TFEC: variants seen among roughly 807,000 people sequenced by gnomAD.
The protein encoded by TFEC is transcription factor EC.
In TFEC, 31 loss-of-function variants were observed where a neutral mutation model predicts 41.6. The ratio of observed to expected loss-of-function variants is 0.74; its 90% CI spans 0.56 to 1.01. The LOEUF is 1.01. Ranked by LOEUF, TFEC falls within the 50% of genes least tolerant of loss-of-function variation. The pLI, the probability that TFEC is intolerant of heterozygous loss-of-function variation, is 0.00. For synonymous variants in TFEC, 143 were observed against 140.6 expected, an observed-to-expected ratio of 1.02 and a Z score of -0.12; for missense variants, 402 against 404.1, an observed-to-expected ratio of 0.99 and a Z score of 0.04.
intron 3 of TFEC, among the ~76,000 whole-genome samples, chr7:116,066,873 G>A (rs1796706286): frequency 6.6e-6 from 1 of 151,932 alleles, no homozygotes; most frequent in Non-Finnish European, 1.5e-5. Flanking sequence ...GTGCAAGTAT[G>A]TATCCTATTA....
At chr7:116,123,754 T>A (rs1288484499) in intron 1 of TFEC, among the ~76,000 whole-genome samples, 1 of 152,106 alleles carries the variant, frequency 6.6e-6, no homozygotes, top group Non-Finnish European at 1.5e-5. Flanking sequence ...CCCCTACTAC[T>A]CCTATCATGT....
At chr7:115,968,425 GGTT>G in intron 3 of TFEC, 2 of 787,440 alleles carry the variant, frequency 2.5e-6, no homozygotes, top group Non-Finnish European at 3.6e-6. Flanking sequence ...AAGCACAGGG[GGTT>G]GTTAATATTT....
intron 3 of TFEC, among the ~76,000 whole-genome samples, chr7:116,070,090 T>C (rs1037741550): frequency 6.6e-6 from 1 of 151,444 alleles, no homozygotes. Flanking sequence ...TACATAAATA[T>C]ATGCATATAC....
At chr7:116,106,264 C>A (rs1389580548) in intron 3 of TFEC, among the ~76,000 whole-genome samples, 1 of 152,158 alleles carries the variant, frequency 6.6e-6, no homozygotes, top group Non-Finnish European at 1.5e-5. Context: ...AGTTTCACAG[C>A]ATTTAAAAGA....
At chr7:115,971,963 A>G (rs1793152691) in intron 3 of TFEC, among the ~76,000 whole-genome samples, 2 of 152,090 alleles carry the variant, frequency 1.3e-5, no homozygotes, top group African/African-American at 2.4e-5. Flanking sequence ...ACCTGCAACC[A>G]AAAGTTCACT....
intron 5 of TFEC, 40 bp from the exon 6 acceptor site, chr7:115,950,989 CA>C (rs1791908842): frequency 1.5e-6 from 2 of 1,303,518 alleles, no homozygotes; most frequent in African/African-American, 3.0e-5. Flanking sequence ...CTCATTAATG[CA>C]CAGTTCACTT....
rs966145522 is a variant in TFEC, at chr7:115,937,730, G to T, written c.*2821C>A. On this transcript the variant is annotated 3_prime_UTR_variant, in exon 8 of 8. Transcript: ENST00000265440. ...GGATAATTATATTTAGATAAGTAAG[G>T]GTCCCCCCATTGTTATACATGACAT... The T allele has an allele frequency of 2.0e-5, 3 of 151,516 alleles. No homozygotes were observed. Among genetic ancestry groups the T allele is most frequent in the Non-Finnish European group, 4.4e-5 (3 of 67,698 alleles). The allele number at this position is 151,516 out of a possible 1,614,324, so 9.4% of individuals were successfully genotyped here. A position where few individuals can be genotyped will look rare whatever the true frequency, so the allele number is the denominator to read the frequency against.
At chr7:115,948,300 A>T (rs1791720607) in intron 6 of TFEC, among the ~76,000 whole-genome samples, 1 of 151,416 alleles carries the variant, frequency 6.6e-6, no homozygotes, top group South Asian at 2.1e-4. Context: ...TCCTTCTGAA[A>T]CTATTCCAAT....
intron 1 of TFEC, among the ~76,000 whole-genome samples, chr7:116,025,861 CTCT>C (rs747710064): frequency 1.3e-5 from 2 of 152,294 alleles, no homozygotes; most frequent in South Asian, 4.1e-4. Flanking sequence ...TTCAGCCTCT[CTCT>C]TCTTGCCAAA....
rs180708745 is a variant in TFEC, at chr7:116,040,988, G to A, written c.199-56475C>T. ...TTGTAGTCAGGTGGAAGTTTCTGCC[G>A]GGGAAATATTAACACCTAATTTCCC... On this transcript the variant is annotated intron_variant, in intron 3 of 8. Coordinates refer to the TFEC transcript ENST00000484212. Among the ~76,000 whole-genome samples, 122 of 152,180 alleles carry A rather than the reference G, an allele frequency of 8.0e-4. 2 individuals carry two copies. The South Asian group carries it at 0.021, about 27-fold the overall frequency.
chr7:115,964,568 AAAAG>A (rs1232068090), intron 3 of TFEC, among the ~76,000 whole-genome samples: 4 of 151,626 alleles, frequency 2.6e-5, no homozygotes, highest in African/African-American at 9.7e-5. Context: ...TTAAAAGAGA[AAAAG>A]AATCTATGAT....
At chr7:116,062,225 C>CTTTTTTTTTTTTTTTTTTTTT (rs569480964) in intron 3 of TFEC, among the ~76,000 whole-genome samples, 4 of 51,912 alleles carry the variant, frequency 7.7e-5, no homozygotes, top group East Asian at 8.6e-4. Context: ...CATGCCTGGC[C>CTTTTTTTTTTTTTTTTTTTTT]TTTTTTTTTT....
chr7:115,940,797 A>G lies in TFEC; in HGVS notation c.798T>C (p.Thr266=). Reference sequence around the variant, plus strand: ...GCTCAGGGCTTGGCCCCTGAGACACAGTCAGTTGTTGGCAATAGTCTACTG... The same window carrying G: ...GCTCAGGGCTTGGCCCCTGAGACACGGTCAGTTGTTGGCAATAGTCTACTG... ...QNSVDYCQQL[T]VSQGPSPELC... The change falls in exon 8 of 8, where the codon ACT becomes ACC. Residue 266 remains threonine (T), a synonymous_variant. Transcript: ENST00000265440. The G allele has an allele frequency of 6.2e-7, 1 of 1,613,538 alleles. No homozygotes were observed. Among genetic ancestry groups the G allele is most frequent in the Non-Finnish European group, 8.5e-7 (1 of 1,179,636 alleles).
chr7:116,003,399 T>C (rs778528707), intron 1 of TFEC, among the ~76,000 whole-genome samples: 3 of 152,086 alleles, frequency 2.0e-5, no homozygotes, highest in Non-Finnish European at 2.9e-5. Context: ...AAGAGGGCCA[T>C]TAGATGATTT....
At chr7:116,007,143 T>C (rs989832813) in intron 1 of TFEC, among the ~76,000 whole-genome samples, 1 of 152,168 alleles carries the variant, frequency 6.6e-6, no homozygotes, top group Admixed American at 6.5e-5. Flanking sequence ...TGTTTTTCTA[T>C]CTTTTTTTTA....
intron 1 of TFEC, among the ~76,000 whole-genome samples, chr7:116,023,977 T>C (rs1235202408): frequency 6.6e-6 from 1 of 152,146 alleles, no homozygotes; most frequent in Non-Finnish European, 1.5e-5. Context: ...AGACCTGGCC[T>C]CTGTGAACCA....
chr7:116,009,881 A>T (rs946863508), intron 1 of TFEC, among the ~76,000 whole-genome samples: 3 of 152,182 alleles, frequency 2.0e-5, no homozygotes, highest in African/African-American at 7.2e-5. Flanking sequence ...TAAATGGTTA[A>T]GTGCTATAAA....
chr7:116,029,864 G>A (rs1795728188), intron 1 of TFEC, among the ~76,000 whole-genome samples: 1 of 151,578 alleles, frequency 6.6e-6, no homozygotes, highest in African/African-American at 2.4e-5. Flanking sequence ...TTCAAGACAA[G>A]CCTGGCCAAC....
At chr7:116,100,837 G>A (rs1797587507) in intron 3 of TFEC, among the ~76,000 whole-genome samples, 1 of 151,766 alleles carries the variant, frequency 6.6e-6, no homozygotes, top group Non-Finnish European at 1.5e-5. Flanking sequence ...AATATGTTAG[G>A]GTGAGAACAC....
Sources: gnomAD v4.1 joint callset for allele counts (sites outside exome capture counted in the v4.1 genomes callset) on GRCh38, gnomAD v4.1.1 for gene constraint, MANE v1.5 for transcripts, NCBI Gene and HGNC (gene_info 2026-07-23, HGNC 2026-07-21) for gene names.